ABLIM2: variants seen among roughly 807,000 people sequenced by gnomAD.
The protein encoded by ABLIM2 is actin binding LIM protein family member 2.
ABLIM2 carries 53 observed loss-of-function variants against 97.7 expected under a neutral mutation model. The ratio of observed to expected loss-of-function variants is 0.54; its 90% confidence interval spans 0.44 to 0.68. ABLIM2 has a LOEUF of 0.68. ABLIM2 is among the 30% of genes least tolerant of loss of function. The probability of loss-of-function intolerance (pLI) is 0.00; values close to 1 mark genes in which losing one functional copy is unlikely to be tolerated. For synonymous variants in ABLIM2, 361 were observed against 345.8 expected (o/e 1.04, Z -0.49); for missense variants, 835 against 867.2 (o/e 0.96, Z 0.47).
Position 8,147,223 on chromosome 4 carries a change from A to G in ABLIM2, c.10+11457T>C, listed in dbSNP as rs1851946498. Among the ~76,000 whole-genome samples the G allele has an allele frequency of 6.6e-6, 1 of 152,084 alleles. No individual in the cohort carries two copies. The highest frequency in any genetic ancestry group is 2.4e-5 in the African/African-American group (1 of 41,388). On this transcript the variant is annotated intron_variant, in intron 1 of 20. Transcript: ENST00000447017. The surrounding 1 kb of genome is among the most constrained non-coding windows in gnomAD (Gnocchi z 5.3). ...TATCCACAGTCTGTGACAGGATCTA[A>G]CTCCCGGGACGTTTAAATTTAGCGA... is the stretch of plus-strand genomic sequence containing the variant.
intron 12 of ABLIM2, among the ~76,000 whole-genome samples, chr4:8,024,833 G>A (rs57679778): frequency 0.026 from 3,924 of 152,316 alleles, 171 homozygotes; most frequent in African/African-American, 0.089. Flanking sequence ...CCAAGGTTAC[G>A]GACAGCCAGG....
In ABLIM2 at chr4:8,147,184, C is replaced by T. The variant is rs538538111; in HGVS notation, c.10+11496G>A. Among the ~76,000 whole-genome samples the T allele has an allele frequency of 6.6e-6, 1 of 152,332 alleles. No individual in the cohort carries two copies. The highest frequency in any genetic ancestry group is 1.5e-5 in the Non-Finnish European group (1 of 68,032). On this transcript the variant is annotated intron_variant, in intron 1 of 20. Coordinates refer to ENST00000447017, the MANE Select transcript of ABLIM2 (RefSeq NM_001130083.2). This position sits in a 1 kb window ranked among gnomAD's most constrained non-coding sequence, Gnocchi z 5.3. ...CCTAACTGCTCCTCAAAAGATTAGA[C>T]CAATTCATATTCTTATCCACAGTCT...
intron 8 of ABLIM2, among the ~76,000 whole-genome samples, chr4:8,053,259 C>T (rs368660352): frequency 7.2e-5 from 11 of 152,244 alleles, no homozygotes; most frequent in Non-Finnish European, 1.0e-4. Context: ...TGGAAGCCCC[C>T]TCCACGCTTT....
chr4:8,107,615 G>A (rs1046132574), intron 1 of ABLIM2, among the ~76,000 whole-genome samples: 1 of 152,114 alleles, frequency 6.6e-6, no homozygotes, highest in East Asian at 1.9e-4. Context: ...ATCAGCGTGG[G>A]GACTGAAGGC....
chr4:8,054,337 T>C lies in ABLIM2; in HGVS notation c.764-91A>G, dbSNP rs975293835. The C allele has an allele frequency of 1.1e-5, 14 of 1,313,428 alleles. No homozygotes were observed. The highest frequency in any genetic ancestry group is 1.8e-5 in the Admixed American group (1 of 54,158). 81.4% of individuals were successfully genotyped at this position (1,313,428 alleles called of 1,614,324 possible). A position where few individuals can be genotyped will look rare whatever the true frequency, so the allele number is the denominator to read the frequency against. The stretch of plus-strand genomic sequence containing the variant: ...AAACGCAGAGGAGGGAGCTGGTCCA[T>C]GCACAGACGTGCACTCGGACTCCAC... On this transcript the variant is annotated intron_variant, in intron 7 of 20. Coordinates refer to ENST00000447017, the MANE Select transcript of ABLIM2 (RefSeq NM_001130083.2). This position sits in a 1 kb window ranked among gnomAD's most constrained non-coding sequence, Gnocchi z 4.9.
chr4:7,975,582 T>C (rs1313446018), intron 20 of ABLIM2, among the ~76,000 whole-genome samples: 1 of 152,212 alleles, frequency 6.6e-6, no homozygotes, highest in Non-Finnish European at 1.5e-5. Flanking sequence ...CTAAATGATG[T>C]CCGCTCCATC....
intron 11 of ABLIM2, among the ~76,000 whole-genome samples, 200 bp downstream of exon 11, chr4:8,029,456 T>G (rs953399450): frequency 2.6e-5 from 4 of 152,062 alleles, no homozygotes; most frequent in African/African-American, 9.7e-5. Context: ...CCCCAAGGCA[T>G]GAGGAGGTCC....
chr4:8,131,950 C>T (rs1448995170), intron 1 of ABLIM2, among the ~76,000 whole-genome samples: 1 of 151,100 alleles, frequency 6.6e-6, no homozygotes, highest in African/African-American at 2.4e-5. Flanking sequence ...AGCCTGCATC[C>T]CTGAGCACAG....
chr4:8,008,203 G>A lies in ABLIM2; in HGVS notation c.1477-3C>T. The A allele has an allele frequency of 6.2e-7, 1 of 1,612,232 alleles. No individual in the cohort carries two copies. Among genetic ancestry groups the A allele is most frequent in the African/African-American group, 1.3e-5 (1 of 75,038 alleles). On this transcript the variant is annotated splice_region_variant and splice_polypyrimidine_tract_variant and intron_variant, in intron 15 of 20. Coordinates refer to ENST00000447017, the MANE Select transcript of ABLIM2 (RefSeq NM_001130083.2). ...AGCATCAGCCAGCTGCTCTTCTGCT[G>A]AAGGTAAAAAACAAAGTCATGCAAA...
intron 14 of ABLIM2, among the ~76,000 whole-genome samples, chr4:8,018,128 T>G (rs1039167166): frequency 6.6e-6 from 1 of 152,226 alleles, no homozygotes; most frequent in Non-Finnish European, 1.5e-5. Flanking sequence ...ATGAACAATT[T>G]CATAACCTGG....
chr4:8,084,900 C>T (rs370695812), intron 4 of ABLIM2, among the ~76,000 whole-genome samples: 2 of 152,330 alleles, frequency 1.3e-5, no homozygotes, highest in East Asian at 1.9e-4. Context: ...GCCTCTGGTT[C>T]GGCACGGCGC....
chr4:8,101,419 G>A (rs760731645), intron 2 of ABLIM2, among the ~76,000 whole-genome samples: 3 of 152,212 alleles, frequency 2.0e-5, no homozygotes, highest in African/African-American at 7.2e-5. Flanking sequence ...GCTTCCCTTT[G>A]ATGCTGGAGG....
chr4:8,055,055 T>C (rs1798218613), intron 7 of ABLIM2, among the ~76,000 whole-genome samples: 1 of 151,712 alleles, frequency 6.6e-6, no homozygotes, highest in Non-Finnish European at 1.5e-5. Flanking sequence ...TTTGTTTTTT[T>C]TTTTTCCACC....
intron 8 of ABLIM2, among the ~76,000 whole-genome samples, chr4:8,051,311 G>A (rs1417694870): frequency 6.6e-6 from 1 of 152,194 alleles, no homozygotes; most frequent in African/African-American, 2.4e-5. Context: ...CACTTTGGGA[G>A]GCCGAGGCGG....
rs1772559419 is a variant in ABLIM2 at position 8,020,223 on chromosome 4, G to A, written c.1348C>T (p.Pro450Ser). The A allele has an allele frequency of 1.2e-6, 2 of 1,613,686 alleles. No homozygotes were observed. The highest frequency in any genetic ancestry group is 2.7e-5 in the African/African-American group (2 of 74,914). ...CTACCTGGGACGTGGAAGTGGCGAG[G>A]TGCCTGCTGGTAGGTGGAGGGGGGC... ...KPPPSTYQQA[P>S]RHFHVPDTGV... Residue 450 changes from proline (P) to serine (S), a missense_variant, in exon 13 of 21, where the codon CCT becomes TCT. Physicochemically the swap from Pro to Ser is moderately conservative, Grantham distance 74. Coordinates refer to ENST00000447017, the MANE Select transcript of ABLIM2 (RefSeq NM_001130083.2).
chr4:8,056,848 C>T (rs1263881193), intron 7 of ABLIM2, among the ~76,000 whole-genome samples: 2 of 138,466 alleles, frequency 1.4e-5, no homozygotes, highest in South Asian at 2.4e-4. Flanking sequence ...AGGAGAATGG[C>T]GTGAACTCGG....
intron 14 of ABLIM2, among the ~76,000 whole-genome samples, chr4:8,012,752 A>T (rs1018163743): frequency 6.6e-5 from 10 of 151,122 alleles, no homozygotes; most frequent in African/African-American, 2.4e-4. Flanking sequence ...CTATCCATCC[A>T]TCCATCCATC....
intron 20 of ABLIM2, among the ~76,000 whole-genome samples, chr4:7,978,430 T>C (rs1247999639): frequency 6.6e-6 from 1 of 152,188 alleles, no homozygotes; most frequent in Admixed American, 6.5e-5. Context: ...TATTTTACAA[T>C]TTTCATGTTG....
intron 3 of ABLIM2, among the ~76,000 whole-genome samples, chr4:8,090,618 C>T (rs185853831): frequency 5.1e-4 from 78 of 152,280 alleles, no homozygotes; most frequent in Non-Finnish European, 9.1e-4. Context: ...ATGCTGCTCA[C>T]GACCTCTGGC....
Sources: gnomAD v4.1 joint callset for allele counts (sites outside exome capture counted in the v4.1 genomes callset) on GRCh38, gnomAD v4.1.1 for gene constraint, Gnocchi (gnomAD v3.1) non-coding constraint, MANE v1.5 for transcripts, NCBI Gene and HGNC (gene_info 2026-07-23, HGNC 2026-07-21) for gene names.